Variants in IGF1R observed in about 807,000 individuals in gnomAD.
IGF1R encodes the protein insulin-like growth factor 1 receptor.
A neutral mutation model predicts 144.6 loss-of-function variants in IGF1R; 44 were observed. The observed-to-expected ratio is 0.30, with a 90% confidence interval of 0.24 to 0.39. The LOEUF (loss-of-function observed/expected upper bound fraction) is 0.39, where lower values mean the gene tolerates loss of function less well. Among genes scored for constraint, IGF1R ranks in the 10% least tolerant of loss-of-function variants. IGF1R has a pLI of 1.00. For synonymous variants in IGF1R, 795 were observed against 722.8 expected (o/e 1.10, Z -1.60); for missense variants, 1,355 against 1,833.7 (o/e 0.74, Z 4.77).
At chr15:98,674,182 C>T (rs181842852) in intron 1 of IGF1R, among the ~76,000 whole-genome samples, 3 of 152,088 alleles carry the variant, frequency 2.0e-5, no homozygotes, top group Non-Finnish European at 2.9e-5. Context: ...TGCATTGAAA[C>T]AGGATTTGTT....
intron 1 of IGF1R, among the ~76,000 whole-genome samples, chr15:98,693,117 A>T (rs1455844936): frequency 1.3e-5 from 2 of 152,038 alleles, no homozygotes; most frequent in Admixed American, 6.6e-5. Context: ...CACCCCCCTG[A>T]CCCCATATGA....
In IGF1R at chr15:98,962,608, C is replaced by T. The variant is rs143549253; in HGVS notation, c.*5166C>T. The T allele has an allele frequency of 6.6e-4, 154 of 233,850 alleles. 1 individual carries two copies. The East Asian group carries it at 8.8e-3, about 13-fold the overall frequency. The allele number at this position is 233,850 out of a possible 1,614,324, so 14.5% of individuals were successfully genotyped here. Reference sequence around the variant, plus strand: ...GTTGCGTCATTTGGAGAAGTGAGTGCTCCTTGATGGTGGAATGACCGGGTG... The same window carrying T: ...GTTGCGTCATTTGGAGAAGTGAGTGTTCCTTGATGGTGGAATGACCGGGTG... On this transcript the variant is annotated 3_prime_UTR_variant, in exon 21 of 21. Transcript: ENST00000650285.
intron 2 of IGF1R, among the ~76,000 whole-genome samples, chr15:98,790,345 C>G (rs1016099646): frequency 2.6e-5 from 4 of 152,216 alleles, no homozygotes; most frequent in Non-Finnish European, 5.9e-5. Flanking sequence ...TGTCCTCCCT[C>G]TTCTTACAAG....
chr15:98,747,951 G>A (rs2054910274), intron 2 of IGF1R, among the ~76,000 whole-genome samples: 3 of 152,146 alleles, frequency 2.0e-5, no homozygotes. Flanking sequence ...GTTGGGAGAG[G>A]GGTGTGGATT....
intron 10 of IGF1R, among the ~76,000 whole-genome samples, chr15:98,921,929 TG>T (rs1233967045): frequency 2.0e-5 from 3 of 150,890 alleles, no homozygotes; most frequent in African/African-American, 7.3e-5. Flanking sequence ...AGCCGGGGGG[TG>T]GGGGTGAGAG....
intron 2 of IGF1R, among the ~76,000 whole-genome samples, chr15:98,839,590 A>G (rs957444047): frequency 6.6e-5 from 10 of 152,350 alleles, no homozygotes; most frequent in Non-Finnish European, 1.0e-4. Flanking sequence ...TCTAACTGCA[A>G]GATTGCATTC....
intron 2 of IGF1R, among the ~76,000 whole-genome samples, chr15:98,723,788 G>A (rs1200473221): frequency 1.3e-5 from 2 of 152,170 alleles, no homozygotes; most frequent in African/African-American, 4.8e-5. Context: ...AGCATTATGG[G>A]AAGACTTGCT....
intron 1 of IGF1R, among the ~76,000 whole-genome samples, chr15:98,650,213 G>A (rs1230366494): frequency 6.6e-6 from 1 of 152,144 alleles, no homozygotes. Context: ...GTGCCCTGCG[G>A]AGAGGCCCCG....
rs1224905791 is a variant in IGF1R at position 98,962,618 on chromosome 15, G to A, written c.*5176G>A. On this transcript the variant is annotated 3_prime_UTR_variant, in exon 21 of 21. Coordinates refer to ENST00000650285, the MANE Select transcript of IGF1R (RefSeq NM_000875.5). ...TTGGAGAAGTGAGTGCTCCTTGATGGTGGAATGACCGGGTGGTGGGTACAG... is the reference window on the plus strand; with the variant it reads ...TTGGAGAAGTGAGTGCTCCTTGATGATGGAATGACCGGGTGGTGGGTACAG... 4.3e-6 allele frequency: 1 copy of A among 233,746 alleles called. No individual in the cohort carries two copies. The highest frequency in any genetic ancestry group is 2.2e-5 in the African/African-American group (1 of 45,348). 14.5% of individuals were successfully genotyped at this position (233,746 alleles called of 1,614,324 possible).
intron 2 of IGF1R, among the ~76,000 whole-genome samples, chr15:98,834,991 A>G (rs1276438571): frequency 6.6e-6 from 1 of 152,014 alleles, no homozygotes; most frequent in Admixed American, 6.6e-5. Flanking sequence ...GAGATGTCTT[A>G]TAGGCTTATA....
At position 98,649,060 on chromosome 15, in the gene IGF1R, A is replaced by G. The variant is rs1197029378; in HGVS notation, c.-522A>G. On this transcript the variant is annotated 5_prime_UTR_variant, in exon 1 of 21. Transcript: ENST00000650285. ...GGAGGAGGAGGAGGGGGAGCCGCTCATTCATTTTGACTCCGCGTTTCTGCC... is the reference window on the plus strand; with the variant it reads ...GGAGGAGGAGGAGGGGGAGCCGCTCGTTCATTTTGACTCCGCGTTTCTGCC... 1 of 216,448 alleles carries G rather than the reference A, an allele frequency of 4.6e-6. No homozygotes were observed. The highest frequency in any genetic ancestry group is 6.5e-5 in the East Asian group (1 of 15,296). The allele number at this position is 216,448 out of a possible 1,614,324, so 13.4% of individuals were successfully genotyped here.
At chr15:98,651,369 C>G (rs933781572) in intron 1 of IGF1R, among the ~76,000 whole-genome samples, 3 of 152,222 alleles carry the variant, frequency 2.0e-5, no homozygotes, top group African/African-American at 7.2e-5. Context: ...TCTTTGTTTT[C>G]TAAACTTTCA....
intron 2 of IGF1R, among the ~76,000 whole-genome samples, chr15:98,842,017 G>C (rs997878805): frequency 6.6e-6 from 1 of 152,208 alleles, no homozygotes; most frequent in Non-Finnish European, 1.5e-5. Flanking sequence ...TAGAAGCAGT[G>C]TTCTTTTGTG....
intron 2 of IGF1R, among the ~76,000 whole-genome samples, chr15:98,741,651 G>A (rs1033689033): frequency 1.3e-5 from 2 of 152,184 alleles, no homozygotes; most frequent in African/African-American, 2.4e-5. Flanking sequence ...GCACTGCTCC[G>A]TCCTCCCGCA....
intron 2 of IGF1R, among the ~76,000 whole-genome samples, chr15:98,855,621 T>C (rs2011767711): frequency 6.6e-6 from 1 of 152,238 alleles, no homozygotes; most frequent in African/African-American, 2.4e-5. Context: ...TTGACAAATA[T>C]TGATCCAACA....
At chr15:98,794,005 C>G (rs2056184267) in intron 2 of IGF1R, among the ~76,000 whole-genome samples, 1 of 152,118 alleles carries the variant, frequency 6.6e-6, no homozygotes, top group South Asian at 2.1e-4. Flanking sequence ...GGCGAAGCGC[C>G]CTATCTTAGC....
At chr15:98,698,021 C>T (rs1174697006) in intron 1 of IGF1R, among the ~76,000 whole-genome samples, 2 of 147,628 alleles carry the variant, frequency 1.4e-5, no homozygotes, top group South Asian at 2.2e-4. Context: ...AGGCGTGAGC[C>T]GCCGCGCCTG....
At chr15:98,679,641 TAAAC>T (rs1467522394) in intron 1 of IGF1R, among the ~76,000 whole-genome samples, 2 of 152,232 alleles carry the variant, frequency 1.3e-5, no homozygotes, top group Non-Finnish European at 2.9e-5. Context: ...TACTTGATAA[TAAAC>T]AACCATGTTA....
chr15:98,791,928 T>C (rs773619556), intron 2 of IGF1R, among the ~76,000 whole-genome samples: 4 of 152,194 alleles, frequency 2.6e-5, no homozygotes, highest in Non-Finnish European at 5.9e-5. Flanking sequence ...AGCAATCTGC[T>C]CTAATATCCT....
Sources: allele counts gnomAD v4.1 joint callset (sites outside exome capture counted in the v4.1 genomes callset), GRCh38; gene constraint gnomAD v4.1.1; transcripts MANE v1.5; gene names NCBI Gene and HGNC (gene_info 2026-07-23, HGNC 2026-07-21).